Variants in GSE1 observed in about 807,000 individuals in gnomAD.
The protein encoded by GSE1 is genetic suppressor element 1.
In GSE1, 32 loss-of-function variants were observed where a neutral mutation model predicts 112.6. That is an observed-to-expected ratio of 0.28 (90% confidence interval 0.21 to 0.38). The LOEUF (loss-of-function observed/expected upper bound fraction) is 0.38. GSE1 is among the 10% of genes least tolerant of loss of function. The pLI is 1.00. For missense variants in GSE1, 2,348 were observed against 1,699.2 expected (o/e 1.38, Z -6.71); for synonymous variants, 1,115 against 735.6 (o/e 1.52, Z -8.35).
At chr16:85,520,594 G>GTT (rs371208807) in intron 2 of GSE1, among the ~76,000 whole-genome samples, 37 of 151,384 alleles carry the variant, frequency 2.4e-4, no homozygotes, top group African/African-American at 9.0e-4. Flanking sequence ...GCTAATTTTT[G>GTT]TTTTTTTTAG....
rs562876987 is a variant in GSE1, at chr16:85,427,786, C to T, written c.2464+70143C>T. Among the ~76,000 whole-genome samples, 7 of 152,304 alleles carry T rather than the reference C, an allele frequency of 4.6e-5. No homozygotes were observed. The South Asian group carries it at 6.2e-4, about 14-fold the overall frequency. On this transcript the variant is annotated intron_variant, in intron 2 of 2. Coordinates refer to the GSE1 transcript ENST00000637419. ...GGTGGAGGTTGCAGTGAGCCCAGAT[C>T]GCGCCACTGCACTCCAGCCTGGGCG...
intron 3 of GSE1, among the ~76,000 whole-genome samples, 198 bp downstream of exon 3, chr16:85,648,949 T>C (rs2051108210): frequency 6.6e-6 from 1 of 151,768 alleles, no homozygotes; most frequent in African/African-American, 2.4e-5. Context: ...GGTGAGTACA[T>C]CGGCCCACGC....
exon 1 of GSE1, chr16:85,556,168 T>TC: frequency 2.2e-5 from 22 of 983,372 alleles, no homozygotes; most frequent in Non-Finnish European, 2.7e-5. Flanking sequence ...CTGATTTTTT[T>TC]TTTTCGTCGC....
chr16:85,447,332 A>G (rs2049544239), intron 2 of GSE1, among the ~76,000 whole-genome samples: 2 of 152,224 alleles, frequency 1.3e-5, no homozygotes, highest in South Asian at 4.1e-4. Context: ...GAAGGCTCAT[A>G]TAAACACGTG....
intron 1 of GSE1, among the ~76,000 whole-genome samples, chr16:85,256,882 C>T (rs576835025): frequency 6.6e-6 from 1 of 152,274 alleles, no homozygotes; most frequent in African/African-American, 2.4e-5. Context: ...AGTTCCTCAG[C>T]TGCACTCACT....
chr16:85,519,190 A>G (rs1300855642), intron 2 of GSE1, among the ~76,000 whole-genome samples: 1 of 139,002 alleles, frequency 7.2e-6, no homozygotes, highest in Non-Finnish European at 1.7e-5. Context: ...GTTTTCCCCT[A>G]TGACCCTCAT....
intron 1 of GSE1, chr16:85,579,900 A>T (rs2046378059): frequency 6.6e-6 from 1 of 152,194 alleles, no homozygotes; most frequent in East Asian, 1.9e-4. Context: ...GGCACTACAC[A>T]CTAGTCACTA....
rs551016476 is a variant in GSE1 at position 85,220,701 on chromosome 16, C to T, written c.2283+48894C>T. 3.3e-5 allele frequency among the ~76,000 whole-genome samples: 5 copies of T among 152,288 alleles called. No homozygotes were observed. In the East Asian group the frequency reaches 7.8e-4, roughly 24 times the overall value. On this transcript the variant is annotated intron_variant, in intron 1 of 2. Transcript: ENST00000637419. Reference sequence around the variant, plus strand: ...TTGCTGCCTGGAGTCCCTGGCTTTGCCACTCTCGTGCTCTCTCGCGCTCTC... The same window carrying T: ...TTGCTGCCTGGAGTCCCTGGCTTTGTCACTCTCGTGCTCTCTCGCGCTCTC...
rs1001892664 is a variant in GSE1, at chr16:85,373,524, C to T, written c.2464+15881C>T. On this transcript the variant is annotated intron_variant, in intron 2 of 2. Transcript: ENST00000637419. The surrounding 1 kb of genome is among the most constrained non-coding windows in gnomAD (Gnocchi z 5.1). ...TAGGGATGCTGTGGCAGCTGCCTCC[C>T]GGGGCCCCTGGGAGAATGGGCTGGG... 3.3e-5 allele frequency among the ~76,000 whole-genome samples: 5 copies of T among 152,094 alleles called. No individual in the cohort carries two copies. Among genetic ancestry groups the T allele is most frequent in the East Asian group, 3.9e-4 (2 of 5,172 alleles).
chr16:85,510,399 C>T (rs1268722566), intron 2 of GSE1, among the ~76,000 whole-genome samples: 1 of 66,044 alleles, frequency 1.5e-5, no homozygotes, highest in Admixed American at 1.6e-4. Flanking sequence ...GACCAGGGCC[C>T]GAGCGTGCGT....
intron 2 of GSE1, chr16:85,489,686 C>T (rs1032602092): frequency 6.6e-6 from 1 of 152,214 alleles, no homozygotes; most frequent in Non-Finnish European, 1.5e-5. Flanking sequence ...GTGACTCAGA[C>T]CCCGTCTGAA....
upstream of GSE1, chr16:85,555,824 CT>C: frequency 1.1e-6 from 1 of 896,934 alleles, no homozygotes; most frequent in Non-Finnish European, 1.3e-6. Flanking sequence ...TCTTTCCCCC[CT>C]CTCTCTTTTC....
chr16:85,656,822 G>A (rs2052000195), intron 7 of GSE1, among the ~76,000 whole-genome samples, 157 bp downstream of exon 7: 1 of 152,354 alleles, frequency 6.6e-6, no homozygotes, highest in South Asian at 2.1e-4. Flanking sequence ...AGGGAGCAGA[G>A]GCACGTTGGC....
chr16:85,289,667 G>A (rs1003435986), intron 1 of GSE1, among the ~76,000 whole-genome samples: 1 of 152,298 alleles, frequency 6.6e-6, no homozygotes, highest in South Asian at 2.1e-4. Flanking sequence ...GGGTGGTGGT[G>A]GGATACAGGA....
chr16:85,326,569 G>A (rs1450932043), intron 1 of GSE1, among the ~76,000 whole-genome samples: 1 of 152,182 alleles, frequency 6.6e-6, no homozygotes, highest in Non-Finnish European at 1.5e-5. Flanking sequence ...CTCTCCTGTC[G>A]CCTTGTGAAG....
chr16:85,600,786 C>T (rs967064647), intron 1 of GSE1, among the ~76,000 whole-genome samples: 13 of 152,144 alleles, frequency 8.5e-5, no homozygotes, highest in African/African-American at 2.9e-4. Context: ...CGGCATGGTG[C>T]GGATCCTGCA....
In GSE1 at chr16:85,673,198, G is replaced by A. The variant is rs1010306686; in HGVS notation, c.*659G>A. ...TGAAGGTAGCTTTTTATTACTCCGT[G>A]GGGAGCATGTACAGAGCTCTGTGTA... On this transcript the variant is annotated 3_prime_UTR_variant, in exon 16 of 16. Transcript: ENST00000253458. 1 of 152,620 alleles carries A rather than the reference G, an allele frequency of 6.6e-6. No individual in the cohort carries two copies. Among genetic ancestry groups the A allele is most frequent in the African/African-American group, 2.4e-5 (1 of 41,528 alleles). 9.5% of individuals were successfully genotyped at this position (152,620 alleles called of 1,614,324 possible).
intron 2 of GSE1, among the ~76,000 whole-genome samples, chr16:85,478,711 A>G (rs1234044156): frequency 1.3e-5 from 2 of 150,314 alleles, no homozygotes; most frequent in Non-Finnish European, 3.0e-5. Context: ...TCTGTCGCCC[A>G]GGCTGGAGTG....
intron 1 of GSE1, among the ~76,000 whole-genome samples, chr16:85,614,667 G>A (rs763702423): frequency 6.6e-6 from 1 of 152,230 alleles, no homozygotes; most frequent in Non-Finnish European, 1.5e-5. Flanking sequence ...CGGGTTCCCA[G>A]CTGGGCGGTG....
Sources: allele counts gnomAD v4.1 joint callset (sites outside exome capture counted in the v4.1 genomes callset), GRCh38; gene constraint gnomAD v4.1.1; non-coding constraint Gnocchi (gnomAD v3.1); transcripts MANE v1.5; gene names NCBI Gene and HGNC (gene_info 2026-07-23, HGNC 2026-07-21).